Variants in NPY observed in about 807,000 individuals in gnomAD.
The protein encoded by NPY is neuropeptide Y.
NPY carries 11 observed loss-of-function variants against 13.2 expected under a neutral mutation model. The ratio of observed to expected loss-of-function variants is 0.83; its 90% confidence interval spans 0.52 to 1.38. The LOEUF is 1.38. Ranked by LOEUF, NPY falls within the 40% of genes most tolerant of loss-of-function variation. NPY has a pLI of 0.00. For missense variants in NPY, 109 were observed against 125.1 expected (o/e 0.87, Z 0.61); for synonymous variants, 51 against 55.6 (o/e 0.92, Z 0.37).
chr7:24,288,416 C>T (rs1787470706), intron 2 of NPY, among the ~76,000 whole-genome samples: 1 of 152,102 alleles, frequency 6.6e-6, no homozygotes, highest in African/African-American at 2.4e-5. Context: ...TATAATTTTG[C>T]TTGGCAATTA....
Position 24,285,279 on chromosome 7 carries a change from C to G in NPY, c.39C>G (p.Thr13=). 6.2e-7 allele frequency: 1 copy of G among 1,614,010 alleles called. No individual in the cohort carries two copies. Among genetic ancestry groups the G allele is most frequent in the Non-Finnish European group, 8.5e-7 (1 of 1,179,974 alleles). The change falls in exon 2 of 4, where the codon ACC becomes ACG. Residue 13 remains threonine, a synonymous_variant. Coordinates refer to ENST00000242152, the MANE Select transcript of NPY (RefSeq NM_000905.4). The surrounding 1 kb of genome is among the most constrained non-coding windows in gnomAD (Gnocchi z 4.9). ...AGCGACTGGGGCTGTCCGGACTGAC[C>G]CTCGCCCTGTCCCTGCTCGTGTGCC... ...GNKRLGLSGL[T]LALSLLVCLG...
chr7:24,285,013 G>A lies in NPY; in HGVS notation c.1-228G>A. The A allele has an allele frequency of 3.4e-6, 2 of 583,684 alleles. No homozygotes were observed. The highest frequency in any genetic ancestry group is 2.0e-5 in the South Asian group (1 of 49,270). The allele number at this position is 583,684 out of a possible 1,614,324, so 36.2% of individuals were successfully genotyped here. On this transcript the variant is annotated intron_variant, in intron 1 of 3. Transcript: ENST00000242152. The surrounding 1 kb of genome is among the most constrained non-coding windows in gnomAD (Gnocchi z 4.9). Reference sequence around the variant, plus strand: ...GGTCCCTGAGACTTCGAACGAAGTTGCGCGAAGTTTTCAGGTGGAGCAGAG... The same window carrying A: ...GGTCCCTGAGACTTCGAACGAAGTTACGCGAAGTTTTCAGGTGGAGCAGAG...
intron 2 of NPY, among the ~76,000 whole-genome samples, chr7:24,287,762 A>G (rs905505746): frequency 3.3e-5 from 5 of 152,154 alleles, no homozygotes; most frequent in African/African-American, 7.2e-5. Context: ...CCCCCATTAC[A>G]CAGAATAGCC....
rs1787631035 is a variant in NPY, at chr7:24,291,861, A to C, written c.*174A>C. 1.6e-6 allele frequency: 1 copy of C among 625,228 alleles called. No individual in the cohort carries two copies. The highest frequency in any genetic ancestry group is 2.7e-6 in the Non-Finnish European group (1 of 370,170). 38.7% of individuals were successfully genotyped at this position (625,228 alleles called of 1,614,324 possible). On this transcript the variant is annotated 3_prime_UTR_variant, in exon 4 of 4. Transcript: ENST00000242152. ...TTTAAATAAAGTATCATGCATTCAA[A>C]AGTGTATCCTCCTCAATGAAAAATC...
chr7:24,290,096 G>A (rs1404162179), intron 3 of NPY, among the ~76,000 whole-genome samples: 1 of 152,120 alleles, frequency 6.6e-6, no homozygotes, highest in African/African-American at 2.4e-5. Context: ...TTCAACTTGT[G>A]TCATATAGTG....
chr7:24,284,630 C>T (rs1326589309), intron 1 of NPY, among the ~76,000 whole-genome samples: 1 of 152,158 alleles, frequency 6.6e-6, no homozygotes, highest in Non-Finnish European at 1.5e-5. Flanking sequence ...GGAAGCGGTG[C>T]GCGGTAGGAA....
intron 2 of NPY, 58 bp from the exon 3 acceptor site, chr7:24,289,441 T>C: frequency 8.0e-7 from 1 of 1,242,612 alleles, no homozygotes; most frequent in South Asian, 1.3e-5. Flanking sequence ...ATCTTCCTTT[T>C]TCCTAAAGGT....
At position 24,285,489 on chromosome 7, in the gene NPY, G is replaced by A; in HGVS notation, c.188+61G>A. 1 of 1,510,068 alleles carries A rather than the reference G, an allele frequency of 6.6e-7. No individual in the cohort carries two copies. Among genetic ancestry groups the A allele is most frequent in the Non-Finnish European group, 9.1e-7 (1 of 1,104,148 alleles). 93.5% of individuals were successfully genotyped at this position (1,510,068 alleles called of 1,614,324 possible). A position where few individuals can be genotyped will look rare whatever the true frequency, so the allele number is the denominator to read the frequency against. The stretch of plus-strand genomic sequence containing the variant: ...AGTGCCTGCACACCAGGAGATCCTG[G>A]GGATGTTAGGGAAAGGGATTGTTTC... On this transcript the variant is annotated intron_variant, in intron 2 of 3. Coordinates refer to ENST00000242152, the MANE Select transcript of NPY (RefSeq NM_000905.4). This position sits in a 1 kb window ranked among gnomAD's most constrained non-coding sequence, Gnocchi z 4.9.
rs1012259906 is a variant in NPY, at chr7:24,285,607, G to T, written c.188+179G>T. Among the ~76,000 whole-genome samples, 4 of 152,006 alleles carry T rather than the reference G, an allele frequency of 2.6e-5. No individual in the cohort carries two copies. The highest frequency in any genetic ancestry group is 9.7e-5 in the African/African-American group (4 of 41,394). ...ACAGGGCACACTCTACACAAAATGG[G>T]TACCTTCCATTTTGTGCAACTACAG... is the stretch of plus-strand genomic sequence containing the variant. On this transcript the variant is annotated intron_variant, in intron 2 of 3. Coordinates refer to ENST00000242152, the MANE Select transcript of NPY (RefSeq NM_000905.4). This position sits in a 1 kb window ranked among gnomAD's most constrained non-coding sequence, Gnocchi z 4.9.
intron 3 of NPY, among the ~76,000 whole-genome samples, chr7:24,290,775 A>AATAATAATAATAATTATTATTATT (rs10701264): frequency 3.4e-4 from 44 of 129,634 alleles, no homozygotes; most frequent in South Asian, 8.0e-4. Context: ...TAATAATAAT[A>AATAATAATAATAATTATTATTATT]ATTATTATTA....
chr7:24,287,832 T>C (rs1230846866), intron 2 of NPY, among the ~76,000 whole-genome samples: 1 of 152,164 alleles, frequency 6.6e-6, no homozygotes, highest in African/African-American at 2.4e-5. Flanking sequence ...ACATTAAAAT[T>C]ATCAGGGGAG....
chr7:24,288,896 A>T (rs1329601316), intron 2 of NPY, among the ~76,000 whole-genome samples: 3 of 152,118 alleles, frequency 2.0e-5, no homozygotes, highest in Admixed American at 2.0e-4. Flanking sequence ...TCACTTTGTC[A>T]CTTTGAAAGC....
intron 2 of NPY, among the ~76,000 whole-genome samples, chr7:24,287,411 A>G (rs988016805): frequency 2.5e-4 from 38 of 152,158 alleles, no homozygotes; most frequent in African/African-American, 8.4e-4. Flanking sequence ...AATTTAGTAT[A>G]GATATAATCT....
In NPY at chr7:24,287,892, AC is replaced by A. The variant is rs111516738; in HGVS notation, c.189-1604del. ...ATCCACCCCTGACCAATTAAATCAG[AC>A]CCTCTGGGATGGGGCCTGGGCTTTA... On this transcript the variant is annotated intron_variant, in intron 2 of 3. Coordinates refer to ENST00000242152, the MANE Select transcript of NPY (RefSeq NM_000905.4). Among the ~76,000 whole-genome samples, 248 of 152,072 alleles carry A rather than the reference AC, an allele frequency of 1.6e-3. 1 individual carries two copies. The highest frequency in any genetic ancestry group is 5.7e-3 in the African/African-American group (237 of 41,470).
chr7:24,286,068 G>A (rs1787362871), intron 2 of NPY, among the ~76,000 whole-genome samples: 1 of 152,144 alleles, frequency 6.6e-6, no homozygotes, highest in African/African-American at 2.4e-5. Context: ...AAAATGCAGA[G>A]GTCTCCCTAT....
chr7:24,288,069 T>C (rs1787457054), intron 2 of NPY, among the ~76,000 whole-genome samples: 1 of 152,238 alleles, frequency 6.6e-6, no homozygotes, highest in African/African-American at 2.4e-5. Flanking sequence ...TGAACAGTAC[T>C]GAACTGGATG....
At chr7:24,290,775 A>AATAATAATAATAATAATTATT (rs10701264) in intron 3 of NPY, among the ~76,000 whole-genome samples, 29 of 129,634 alleles carry the variant, frequency 2.2e-4, no homozygotes, top group South Asian at 1.3e-3. Context: ...TAATAATAAT[A>AATAATAATAATAATAATTATT]ATTATTATTA....
intron 3 of NPY, 26 bp downstream of exon 3, chr7:24,289,605 A>G (rs374914226): frequency 5.2e-5 from 82 of 1,578,866 alleles, no homozygotes; most frequent in Non-Finnish European, 6.3e-5. Context: ...TGATGGGGAC[A>G]TTGTTGCAGA....
In NPY at chr7:24,285,529, A is replaced by G; in HGVS notation, c.188+101A>G. On this transcript the variant is annotated intron_variant, in intron 2 of 3. Coordinates refer to ENST00000242152, the MANE Select transcript of NPY (RefSeq NM_000905.4). The surrounding 1 kb of genome is among the most constrained non-coding windows in gnomAD (Gnocchi z 4.9). Reference sequence around the variant, plus strand: ...GGGATTGTTTCTTTTCCTTCGCTCTATCCCAGGGCAGGACAGTATCAGGCA... The same window carrying G: ...GGGATTGTTTCTTTTCCTTCGCTCTGTCCCAGGGCAGGACAGTATCAGGCA... The G allele has an allele frequency of 8.0e-7, 1 of 1,245,258 alleles. No individual in the cohort carries two copies. The highest frequency in any genetic ancestry group is 1.4e-5 in the South Asian group (1 of 69,140). 77.1% of individuals were successfully genotyped at this position (1,245,258 alleles called of 1,614,324 possible).
Sources: gnomAD v4.1 joint callset for allele counts (sites outside exome capture counted in the v4.1 genomes callset) on GRCh38, gnomAD v4.1.1 for gene constraint, Gnocchi (gnomAD v3.1) non-coding constraint, MANE v1.5 for transcripts, NCBI Gene and HGNC (gene_info 2026-07-23, HGNC 2026-07-21) for gene names.